Variants in SNX6 observed in about 807,000 individuals in gnomAD.
SNX6 encodes the protein sorting nexin 6.
Under a neutral mutation model 63.0 loss-of-function variants are expected in SNX6, and 34 were observed. The observed-to-expected ratio is 0.54, with a 90% confidence interval of 0.41 to 0.72. SNX6 has a LOEUF of 0.72. Ranked by LOEUF, SNX6 falls within the 30% of genes least tolerant of loss-of-function variation. The probability of loss-of-function intolerance (pLI) is 0.00; values close to 1 mark genes in which losing one functional copy is unlikely to be tolerated. For missense variants in SNX6, 398 were observed against 471.4 expected, an observed-to-expected ratio of 0.84 and a Z score of 1.44; for synonymous variants, 170 against 164.2, an observed-to-expected ratio of 1.04 and a Z score of -0.27.
intron 2 of SNX6, among the ~76,000 whole-genome samples, chr14:34,625,460 C>T (rs1395515756): frequency 6.6e-6 from 1 of 151,912 alleles, no homozygotes; most frequent in Non-Finnish European, 1.5e-5. Flanking sequence ...CGGCCGGGCG[C>T]GGTGGCTCAC....
At chr14:34,576,719 G>A (rs1881723490) in intron 10 of SNX6, among the ~76,000 whole-genome samples, 1 of 151,882 alleles carries the variant, frequency 6.6e-6, no homozygotes, top group Admixed American at 6.6e-5. Flanking sequence ...AAAGTGCTGG[G>A]ATTACAGGTG....
chr14:34,616,592 A>C (rs1298319206), intron 2 of SNX6, among the ~76,000 whole-genome samples: 1 of 152,122 alleles, frequency 6.6e-6, no homozygotes, highest in East Asian at 1.9e-4. Flanking sequence ...TCGTGGGTTC[A>C]AGTGATCCAC....
chr14:34,597,811 A>G (rs758543017), intron 6 of SNX6, among the ~76,000 whole-genome samples, 166 bp from the exon 7 acceptor site: 1 of 152,184 alleles, frequency 6.6e-6, no homozygotes, highest in Non-Finnish European at 1.5e-5. Context: ...AGGGCATAAA[A>G]AAGGAGTTTG....
At position 34,608,149 on chromosome 14, in the gene SNX6, A is replaced by G. The variant is rs1023669040; in HGVS notation, c.160-9T>C. ...AAATTTGGCAATGAACTCTGTAAAG[A>G]TAGAGATTTTCTTGAATAAAAATCA... On this transcript the variant is annotated splice_polypyrimidine_tract_variant and intron_variant, in intron 3 of 13. Coordinates refer to ENST00000362031, the MANE Select transcript of SNX6 (RefSeq NM_152233.4). 1.3e-6 allele frequency: 2 copies of G among 1,488,640 alleles called. No individual in the cohort carries two copies. The highest frequency in any genetic ancestry group is 1.8e-6 in the Non-Finnish European group (2 of 1,084,430). The allele number at this position is 1,488,640 out of a possible 1,614,324, so 92.2% of individuals were successfully genotyped here. A position where few individuals can be genotyped will look rare whatever the true frequency, so the allele number is the denominator to read the frequency against.
intron 2 of SNX6, among the ~76,000 whole-genome samples, chr14:34,610,894 T>C (rs1883202565): frequency 6.6e-6 from 1 of 152,184 alleles, no homozygotes; most frequent in Non-Finnish European, 1.5e-5. Flanking sequence ...GTCATTAGTA[T>C]CTCAAATTTT....
intron 10 of SNX6, among the ~76,000 whole-genome samples, chr14:34,580,057 T>G (rs1208340978): frequency 6.6e-6 from 1 of 152,020 alleles, no homozygotes; most frequent in East Asian, 1.9e-4. Context: ...TGGTGGCACA[T>G]GCCTGTAATC....
chr14:34,569,729 T>C (rs1310076205), intron 11 of SNX6, among the ~76,000 whole-genome samples: 1 of 152,206 alleles, frequency 6.6e-6, no homozygotes, highest in Admixed American at 6.6e-5. Context: ...AAATCAATAT[T>C]TCACTCCTTT....
chr14:34,594,632 G>C (rs1882529428), intron 7 of SNX6, among the ~76,000 whole-genome samples: 1 of 152,050 alleles, frequency 6.6e-6, no homozygotes, highest in Non-Finnish European at 1.5e-5. Flanking sequence ...AAAGTGTTAG[G>C]ATTACAGGAG....
intron 2 of SNX6, among the ~76,000 whole-genome samples, chr14:34,628,332 G>A (rs1040981763): frequency 6.6e-6 from 1 of 152,134 alleles, no homozygotes; most frequent in Non-Finnish European, 1.5e-5. Context: ...GGTGGCGGGC[G>A]CCTGTAGTCC....
chr14:34,592,965 T>C, intron 8 of SNX6, 80 bp downstream of exon 8: 1 of 1,041,016 alleles, frequency 9.6e-7, no homozygotes, highest in South Asian at 1.4e-5. Flanking sequence ...TGCTCTATAT[T>C]AAGACTTTTT....
chr14:34,591,135 G>T (rs1801934655), intron 8 of SNX6, among the ~76,000 whole-genome samples: 1 of 152,046 alleles, frequency 6.6e-6, no homozygotes, highest in Non-Finnish European at 1.5e-5. Context: ...TCATTATTTT[G>T]ATTGTGGTAA....
intron 8 of SNX6, among the ~76,000 whole-genome samples, chr14:34,590,946 T>C (rs1037715784): frequency 1.1e-4 from 16 of 152,304 alleles, no homozygotes; most frequent in Non-Finnish European, 1.9e-4. Context: ...CAAAATAGTT[T>C]TTTGAGTTTC....
At chr14:34,603,307 A>C in intron 6 of SNX6, 41 bp downstream of exon 6, 2 of 1,559,386 alleles carry the variant, frequency 1.3e-6, no homozygotes, top group Non-Finnish European at 8.6e-7. Flanking sequence ...GAAGAAGAAG[A>C]AGAAAAAGAA....
At chr14:34,563,348 G>T (rs1049212647) in intron 13 of SNX6, among the ~76,000 whole-genome samples, 173 bp from the exon 14 acceptor site, 18 of 152,046 alleles carry the variant, frequency 1.2e-4, no homozygotes, top group African/African-American at 4.1e-4. Flanking sequence ...CACGAGGTCA[G>T]GAGATCGAGA....
chr14:34,629,468 T>C, intron 2 of SNX6: 3 of 470,158 alleles, frequency 6.4e-6, no homozygotes, highest in South Asian at 4.6e-5. Context: ...CTGTACTATT[T>C]GAGAGAGACA....
intron 4 of SNX6, among the ~76,000 whole-genome samples, chr14:34,607,618 C>T (rs950235688): frequency 2.6e-5 from 4 of 151,244 alleles, no homozygotes; most frequent in Non-Finnish European, 5.9e-5. Context: ...CTCTAAAAAA[C>T]ATAACAGGGC....
chr14:34,569,007 G>A (rs1235264395), intron 11 of SNX6: 1 of 1,466,634 alleles, frequency 6.8e-7, no homozygotes, highest in Non-Finnish European at 9.5e-7. Context: ...CTTTGTGCTT[G>A]GCCAGCAGCT....
rs80145759 is a variant in SNX6 at position 34,604,324 on chromosome 14, C to T, written c.393-853G>A. On this transcript the variant is annotated intron_variant, in intron 5 of 13. Transcript: ENST00000362031. ...GGCCACTGGAAAATCACAGATTCTT[C>T]GATATTAATGTGCTCTGCTCATTTC... The T allele has an allele frequency of 6.0e-4, 731 of 1,211,194 alleles. 7 individuals are homozygous for T. The East Asian group carries it at 0.017, about 27-fold the overall frequency. The allele number at this position is 1,211,194 out of a possible 1,614,324, so 75.0% of individuals were successfully genotyped here. A position where few individuals can be genotyped will look rare whatever the true frequency, so the allele number is the denominator to read the frequency against.
At chr14:34,607,920 A>G (rs1883082925) in intron 4 of SNX6, 110 bp downstream of exon 4, 1 of 560,368 alleles carries the variant, frequency 1.8e-6, no homozygotes, top group Admixed American at 3.6e-5. Context: ...AAACAAAACA[A>G]AACAAAACAA....
Sources: gnomAD v4.1 joint callset for allele counts (sites outside exome capture counted in the v4.1 genomes callset) on GRCh38, gnomAD v4.1.1 for gene constraint, MANE v1.5 for transcripts, NCBI Gene and HGNC (gene_info 2026-07-23, HGNC 2026-07-21) for gene names.